ZNF486: variants seen among roughly 807,000 people sequenced by gnomAD.
ZNF486 encodes zinc finger protein 486.
In ZNF486, 12 loss-of-function variants were observed where a neutral mutation model predicts 12.8. That is an observed-to-expected ratio of 0.94 (90% confidence interval 0.60 to 1.52). ZNF486 has a LOEUF of 1.52. Among genes scored for constraint, ZNF486 ranks in the 40% most tolerant of loss-of-function variants. The probability of loss-of-function intolerance (pLI) is 0.00; values close to 1 mark genes in which losing one functional copy is unlikely to be tolerated. For synonymous variants in ZNF486, 231 were observed against 184.9 expected, an observed-to-expected ratio of 1.25 and a Z score of -2.02; for missense variants, 738 against 545.0, an observed-to-expected ratio of 1.35 and a Z score of -3.53.
chr19:20,184,413 C>T lies in ZNF486; in HGVS notation c.88C>T (p.Leu30=), dbSNP rs781934497. 4 of 1,613,588 alleles carry T rather than the reference C, an allele frequency of 2.5e-6. No individual in the cohort carries two copies. The highest frequency in any genetic ancestry group is 1.1e-5 in the South Asian group (1 of 91,054). Residue 30 remains leucine, a synonymous_variant, in exon 2 of 4, where the codon CTG becomes TTG. Transcript: ENST00000335117. The part of the protein sequence containing the change: ...VEFSLEEWHC[L]DTAQQNLYRD... ...ATTCTCTCTGGAGGAGTGGCATTGC[C>T]TGGACACTGCACAGCAGAATTTATA...
intron 3 of ZNF486, among the ~76,000 whole-genome samples, chr19:20,195,251 G>T (rs1429867562): frequency 6.6e-6 from 1 of 152,144 alleles, no homozygotes; most frequent in African/African-American, 2.4e-5. Context: ...TCACTGCAAC[G>T]TTTCCCGCCT....
At position 20,197,881 on chromosome 19, in the gene ZNF486, G is replaced by C; in HGVS notation, c.1171G>C (p.Ala391Pro). The change falls in exon 4 of 4, where the codon GCA (alanine) becomes CCA (proline). Residue 391 changes from alanine to proline, a missense_variant. Coordinates refer to ENST00000335117, the MANE Select transcript of ZNF486 (RefSeq NM_052852.4). ...ATGTGGCAAAGCCTTTACATGGTCT[G>C]CAGGCCTCCATAAACATAGGAGAAC... ...EECGKAFTWS[A>P]GLHKHRRTHT... 1 of 1,611,238 alleles carries C rather than the reference G, an allele frequency of 6.2e-7. No homozygotes were observed. Among genetic ancestry groups the C allele is most frequent in the Non-Finnish European group, 8.5e-7 (1 of 1,179,268 alleles).
intron 3 of ZNF486, among the ~76,000 whole-genome samples, chr19:20,189,107 C>T (rs897606735): frequency 3.9e-5 from 6 of 152,116 alleles, no homozygotes; most frequent in Non-Finnish European, 8.8e-5. Context: ...TGGATTCTCA[C>T]TCTGTCACCC....
chr19:20,181,208 C>A (rs572442653), intron 1 of ZNF486, among the ~76,000 whole-genome samples: 1 of 152,258 alleles, frequency 6.6e-6, no homozygotes, highest in East Asian at 1.9e-4. Context: ...CTTTCTAGAG[C>A]TGGTGCTCAC....
At chr19:20,189,742 A>C (rs1213903401) in intron 3 of ZNF486, among the ~76,000 whole-genome samples, 1 of 152,178 alleles carries the variant, frequency 6.6e-6, no homozygotes, top group Admixed American at 6.5e-5. Flanking sequence ...TTCACATGAA[A>C]TCTGCAAATG....
chr19:20,191,639 G>A (rs574573380), intron 3 of ZNF486, among the ~76,000 whole-genome samples: 2 of 151,064 alleles, frequency 1.3e-5, no homozygotes, highest in East Asian at 3.9e-4. Flanking sequence ...GCATGGTGGT[G>A]GGCGCCTGTA....
rs1437123321 is a variant in ZNF486, at chr19:20,198,594, C to G, written c.*492C>G. ...CTGTAGTGCAATGGCATGATCTTGGCTTACTGTGACCTCTGCCTCCTGGGT... is the reference window on the plus strand; with the variant it reads ...CTGTAGTGCAATGGCATGATCTTGGGTTACTGTGACCTCTGCCTCCTGGGT... On this transcript the variant is annotated 3_prime_UTR_variant, in exon 4 of 4. Transcript: ENST00000335117. 6.3e-6 allele frequency: 1 copy of G among 159,326 alleles called. No individual in the cohort carries two copies. The highest frequency in any genetic ancestry group is 6.0e-5 in the Admixed American group (1 of 16,584). The allele number at this position is 159,326 out of a possible 1,614,324, so 9.9% of individuals were successfully genotyped here.
At chr19:20,173,818 C>T (rs551644958) in intron 1 of ZNF486, among the ~76,000 whole-genome samples, 35 of 150,510 alleles carry the variant, frequency 2.3e-4, no homozygotes, top group African/African-American at 5.6e-4. Context: ...GGGGACAGAG[C>T]GAGACTCCGT....
At chr19:20,170,304 G>A (rs1555713719) in intron 1 of ZNF486, among the ~76,000 whole-genome samples, 1 of 151,990 alleles carries the variant, frequency 6.6e-6, no homozygotes, top group Non-Finnish European at 1.5e-5. Flanking sequence ...TAGGCCAGGC[G>A]CGATGGCTCA....
rs782657079 is a variant in ZNF486 at position 20,197,083 on chromosome 19, G to T, written c.373G>T (p.Gly125Cys). ...ACATGGCAATTTACACTTTAAAAAA[G>T]GCTGTGAAAGTGTGGATGAGTGTAA... is the stretch of plus-strand genomic sequence containing the variant. ...CGHGNLHFKK[G>C]CESVDECKLH... Residue 125 changes from glycine (G) to cysteine (C), a missense_variant, in exon 4 of 4, where the codon GGC becomes TGC. By Grantham distance (159) the Gly-to-Cys change is radical. Transcript: ENST00000335117. The T allele has an allele frequency of 3.7e-6, 6 of 1,612,342 alleles. No homozygotes were observed. In the Admixed American group the frequency reaches 6.7e-5, roughly 18 times the overall value.
At chr19:20,173,963 C>CT (rs35775231) in intron 1 of ZNF486, among the ~76,000 whole-genome samples, 55,512 of 151,862 alleles carry the variant, frequency 0.37, 14,186 homozygotes, top group African/African-American at 0.72. Flanking sequence ...TACCTTTTGT[C>CT]TTTTTTCTGA....
chr19:20,174,990 CAT>C (rs2089689834), intron 1 of ZNF486: 1 of 152,142 alleles, frequency 6.6e-6, no homozygotes, highest in African/African-American at 2.4e-5. Flanking sequence ...ACTATATGAA[CAT>C]AGTCAGATTC....
chr19:20,190,773 A>AAAC, intron 3 of ZNF486, among the ~76,000 whole-genome samples: 1 of 152,202 alleles, frequency 6.6e-6, no homozygotes, highest in Non-Finnish European at 1.5e-5. Flanking sequence ...CTTGGTTTTG[A>AAAC]CTGGAGAGTT....
intron 3 of ZNF486, among the ~76,000 whole-genome samples, chr19:20,195,640 G>T (rs2089950891): frequency 6.6e-6 from 1 of 152,160 alleles, no homozygotes; most frequent in Admixed American, 6.5e-5. Context: ...TTATAATATA[G>T]CTTTGTCCTG....
chr19:20,178,362 G>A (rs1250247739), intron 1 of ZNF486, among the ~76,000 whole-genome samples: 1 of 152,010 alleles, frequency 6.6e-6, no homozygotes, highest in Admixed American at 6.6e-5. Flanking sequence ...TCCTGCCTCA[G>A]CCTCCTGAAT....
intron 3 of ZNF486, among the ~76,000 whole-genome samples, chr19:20,194,968 C>T (rs571303539): frequency 4.6e-5 from 7 of 151,768 alleles, no homozygotes; most frequent in East Asian, 3.9e-4. Context: ...CCACGATTTT[C>T]GGTTTTTTGG....
chr19:20,169,817 G>C (rs987316980), intron 1 of ZNF486, among the ~76,000 whole-genome samples: 1 of 150,236 alleles, frequency 6.7e-6, no homozygotes, highest in African/African-American at 2.5e-5. Context: ...GAAAAAGTCA[G>C]ATTTTAGCTC....
chr19:20,169,380 A>T (rs2089621514), intron 1 of ZNF486, among the ~76,000 whole-genome samples: 1 of 152,172 alleles, frequency 6.6e-6, no homozygotes, highest in Non-Finnish European at 1.5e-5. Context: ...AAGTGCTGGG[A>T]TTACATGCTT....
intron 3 of ZNF486, among the ~76,000 whole-genome samples, chr19:20,189,467 G>A (rs1291625400): frequency 6.6e-6 from 1 of 152,072 alleles, no homozygotes; most frequent in Non-Finnish European, 1.5e-5. Context: ...GAAGCAACAT[G>A]GGTTTCATTT....
Sources: gnomAD v4.1 joint callset for allele counts (sites outside exome capture counted in the v4.1 genomes callset) on GRCh38, gnomAD v4.1.1 for gene constraint, MANE v1.5 for transcripts, NCBI Gene and HGNC (gene_info 2026-07-23, HGNC 2026-07-21) for gene names.